Variants in BIVM observed in about 807,000 individuals in gnomAD.
BIVM encodes the protein basic immunoglobulin-like variable motif-containing protein.
BIVM carries 31 observed loss-of-function variants against 61.4 expected under a neutral mutation model. The observed-to-expected ratio is 0.51, with a 90% CI of 0.38 to 0.68. The LOEUF (loss-of-function observed/expected upper bound fraction) is 0.68. BIVM is among the 30% of genes least tolerant of loss of function. The pLI, the probability that BIVM is intolerant of heterozygous loss-of-function variation, is 0.00. For synonymous variants in BIVM, 189 were observed against 210.7 expected (o/e 0.90, Z 0.89); for missense variants, 526 against 596.0 (o/e 0.88, Z 1.22).
intron 5 of BIVM, 152 bp from the exon 6 acceptor site, chr13:102,821,591 G>A (rs1157957012): frequency 3.2e-6 from 2 of 622,714 alleles, no homozygotes; most frequent in African/African-American, 3.9e-5. Flanking sequence ...CACAGAGTGA[G>A]AACCTGTCTC....
chr13:102,810,764 T>C (rs1200019043), intron 3 of BIVM, among the ~76,000 whole-genome samples: 3 of 152,264 alleles, frequency 2.0e-5, no homozygotes, highest in Non-Finnish European at 4.4e-5. Flanking sequence ...AGGGTCTTGC[T>C]CTCTTGCCCA....
intron 7 of BIVM, among the ~76,000 whole-genome samples, chr13:102,822,544 A>C (rs552664067): frequency 5.4e-4 from 82 of 152,320 alleles, no homozygotes; most frequent in Non-Finnish European, 9.3e-4. Context: ...CTAAGAAGGA[A>C]TGTAAGGATT....
rs145679105 is a variant in BIVM at position 102,827,248 on chromosome 13, A to G, written c.902-4317A>G. Among the ~76,000 whole-genome samples, 684 of 149,372 alleles carry G rather than the reference A, an allele frequency of 4.6e-3. 3 individuals are homozygous for G. The highest frequency in any genetic ancestry group is 0.016 in the African/African-American group (642 of 40,554). On this transcript the variant is annotated intron_variant, in intron 7 of 10. Transcript: ENST00000257336. The stretch of plus-strand genomic sequence containing the variant: ...TGTTAACCAGTTCCCTTAATAATCT[A>G]GGATGTGTAGCATTGGGTCCCAATG...
chr13:102,831,873 C>CAAAAAAAAAAAAAA, intron 8 of BIVM, among the ~76,000 whole-genome samples, 176 bp downstream of exon 8: 1 of 105,584 alleles, frequency 9.5e-6, no homozygotes. Context: ...ACTAAAAATA[C>CAAAAAAAAAAAAAA]AAAAAAAAAA....
At chr13:102,822,921 C>G (rs1186844600) in intron 7 of BIVM, among the ~76,000 whole-genome samples, 1 of 152,106 alleles carries the variant, frequency 6.6e-6, no homozygotes, top group African/African-American at 2.4e-5. Flanking sequence ...ACAAAGACAA[C>G]TGGGACTTTA....
chr13:102,830,458 T>G (rs1387212543), intron 7 of BIVM, among the ~76,000 whole-genome samples: 2 of 152,196 alleles, frequency 1.3e-5, no homozygotes, highest in East Asian at 3.8e-4. Flanking sequence ...GAAACCTCAG[T>G]TAATGGCTTT....
At chr13:102,814,828 G>C (rs1254900442) in intron 3 of BIVM, among the ~76,000 whole-genome samples, 1 of 152,190 alleles carries the variant, frequency 6.6e-6, no homozygotes, top group African/African-American at 2.4e-5. Context: ...TGGATTGCTT[G>C]AGCTCAGGAG....
rs777756990 is a variant in BIVM at position 102,839,504 on chromosome 13, T to C, written c.1219-68T>C. The stretch of plus-strand genomic sequence containing the variant: ...GTAAAAAAAGAAAGAAGGGAGTTCA[T>C]AGGGACCTACAAATTAGTACAATTA... On this transcript the variant is annotated intron_variant, in intron 10 of 10. Coordinates refer to ENST00000257336, the MANE Select transcript of BIVM (RefSeq NM_017693.4). 12 of 1,566,100 alleles carry C rather than the reference T, an allele frequency of 7.7e-6. 1 individual carries two copies. The highest frequency in any genetic ancestry group is 4.9e-5 in the South Asian group (4 of 81,948).
At chr13:102,799,877 C>A (rs1156889350) in intron 1 of BIVM, among the ~76,000 whole-genome samples, 1 of 152,194 alleles carries the variant, frequency 6.6e-6, no homozygotes, top group South Asian at 2.1e-4. Context: ...ACCGGTGACC[C>A]CTGTGCGGCC....
In BIVM at chr13:102,839,967, C is replaced by A; in HGVS notation, c.*102C>A. 1 of 1,250,106 alleles carries A rather than the reference C, an allele frequency of 8.0e-7. No individual in the cohort carries two copies. The highest frequency in any genetic ancestry group is 1.1e-6 in the Non-Finnish European group (1 of 907,762). 77.4% of individuals were successfully genotyped at this position (1,250,106 alleles called of 1,614,324 possible). A position where few individuals can be genotyped will look rare whatever the true frequency, so the allele number is the denominator to read the frequency against. On this transcript the variant is annotated 3_prime_UTR_variant, in exon 11 of 11. Transcript: ENST00000257336. The stretch of plus-strand genomic sequence containing the variant: ...TTAGTAAGCCTACATTAAATAGGAG[C>A]AGATCTTGTGGTATAAAAAATAACC...
intron 2 of BIVM, among the ~76,000 whole-genome samples, chr13:102,806,498 C>A (rs572146430): frequency 6.6e-6 from 1 of 152,202 alleles, no homozygotes; most frequent in East Asian, 1.9e-4. Flanking sequence ...GATCCACCTG[C>A]CTTGGCCTCC....
At chr13:102,833,204 A>G (rs1384988475) in intron 8 of BIVM, among the ~76,000 whole-genome samples, 1 of 152,058 alleles carries the variant, frequency 6.6e-6, no homozygotes, top group Non-Finnish European at 1.5e-5. Flanking sequence ...ACTGCACTCC[A>G]GCCTGGGCAA....
At chr13:102,815,903 G>T (rs963256341) in intron 3 of BIVM, among the ~76,000 whole-genome samples, 1 of 152,202 alleles carries the variant, frequency 6.6e-6, no homozygotes, top group Non-Finnish European at 1.5e-5. Flanking sequence ...TCATTCTGTC[G>T]TCTCTGTCGG....
intron 10 of BIVM, 100 bp downstream of exon 10, chr13:102,838,839 T>G: frequency 2.8e-6 from 3 of 1,075,116 alleles, no homozygotes; most frequent in Non-Finnish European, 3.9e-6. Context: ...AAACCTATAT[T>G]TGATAGAGGA....
At chr13:102,806,936 CTTTTTAATTAT>C (rs1337898585) in intron 2 of BIVM, among the ~76,000 whole-genome samples, 199 bp from the exon 3 acceptor site, 3 of 151,860 alleles carry the variant, frequency 2.0e-5, no homozygotes, top group Non-Finnish European at 2.9e-5. Flanking sequence ...GGGCTATTTG[CTTTTTAATTAT>C]TTTTTAATTA....
Position 102,839,821 on chromosome 13 carries a change from AACAGTGGTTACCAGGGTT to A in BIVM, c.1475_1492del (p.Gly492_Ser497del), listed in dbSNP as rs1352795473. ...GATGTCTAGTATCCATGAGAGAAGG[AACAGTGGTTACCAGGGTT>A]ACAGTGATTACGATGGGAATGATTG... On this transcript the variant is annotated inframe_deletion, in exon 11 of 11. Transcript: ENST00000257336. The A allele has an allele frequency of 6.2e-7, 1 of 1,613,744 alleles. No individual in the cohort carries two copies. The highest frequency in any genetic ancestry group is 2.2e-5 in the East Asian group (1 of 44,898).
At chr13:102,835,737 T>C (rs1881423042) in intron 9 of BIVM, among the ~76,000 whole-genome samples, 1 of 152,218 alleles carries the variant, frequency 6.6e-6, no homozygotes, top group African/African-American at 2.4e-5. Flanking sequence ...TTCGCCATGT[T>C]GGCCAGGCTG....
intron 3 of BIVM, among the ~76,000 whole-genome samples, chr13:102,815,197 T>C (rs1044364435): frequency 7.9e-5 from 12 of 152,202 alleles, no homozygotes; most frequent in Non-Finnish European, 1.8e-4. Context: ...AGGTGTCAAA[T>C]GGTTTCTCTG....
intron 3 of BIVM, among the ~76,000 whole-genome samples, chr13:102,811,766 G>T (rs1408847725): frequency 6.6e-6 from 1 of 151,714 alleles, no homozygotes; most frequent in African/African-American, 2.4e-5. Flanking sequence ...CAGGTCATCC[G>T]CCTGCCTCAG....
Sources: allele counts gnomAD v4.1 joint callset (sites outside exome capture counted in the v4.1 genomes callset), GRCh38; gene constraint gnomAD v4.1.1; transcripts MANE v1.5; gene names NCBI Gene and HGNC (gene_info 2026-07-23, HGNC 2026-07-21).